The following TTBK2 variants were observed in gnomAD, a reference collection of about 807,000 sequenced individuals.
TTBK2 encodes the protein tau-tubulin kinase 2.
In TTBK2, 28 loss-of-function variants were observed where a neutral mutation model predicts 110.8. The observed-to-expected ratio is 0.25, with a 90% CI of 0.19 to 0.35. The LOEUF (loss-of-function observed/expected upper bound fraction) is 0.35. Ranked by LOEUF, TTBK2 falls within the 10% of genes least tolerant of loss-of-function variation. The pLI is 1.00. For synonymous variants in TTBK2, 532 were observed against 527.3 expected (o/e 1.01, Z -0.12); for missense variants, 1,369 against 1,500.3 (o/e 0.91, Z 1.45).
chr15:42,908,119 A>C (rs2030521809), intron 1 of TTBK2: 1 of 152,006 alleles, frequency 6.6e-6, no homozygotes, highest in South Asian at 2.1e-4. Context: ...AAGTTAATAG[A>C]ATTAGTTGAT....
At chr15:42,881,144 G>A (rs1339699972) in intron 1 of TTBK2, among the ~76,000 whole-genome samples, 3 of 151,650 alleles carry the variant, frequency 2.0e-5, no homozygotes, top group Admixed American at 6.6e-5. Flanking sequence ...TAGGCAAGGC[G>A]TGGTGGCAGG....
intron 3 of TTBK2, among the ~76,000 whole-genome samples, chr15:42,848,682 G>T (rs1407435108): frequency 6.6e-6 from 1 of 152,060 alleles, no homozygotes; most frequent in Non-Finnish European, 1.5e-5. Flanking sequence ...TAGAGACGGG[G>T]TTTCTCCATG....
intron 13 of TTBK2, among the ~76,000 whole-genome samples, chr15:42,754,944 G>A (rs961923526): frequency 1.2e-4 from 17 of 140,774 alleles, no homozygotes; most frequent in Middle Eastern, 3.7e-3. Flanking sequence ...AGAGGCAGAG[G>A]TTGTGGTGAG....
chr15:42,840,737 A>G (rs1595972136), intron 3 of TTBK2: 1 of 439,368 alleles, frequency 2.3e-6, no homozygotes, highest in Non-Finnish European at 4.2e-6. Context: ...ATTCAGATCA[A>G]CCTGCCCAGA....
At chr15:42,905,165 C>T (rs1459286399) in intron 1 of TTBK2, among the ~76,000 whole-genome samples, 1 of 152,056 alleles carries the variant, frequency 6.6e-6, no homozygotes, top group East Asian at 1.9e-4. Flanking sequence ...TGTGCCACCA[C>T]ACTTGGCCCC....
intron 6 of TTBK2, among the ~76,000 whole-genome samples, chr15:42,825,584 G>A (rs896728954): frequency 1.1e-4 from 17 of 152,026 alleles, no homozygotes; most frequent in Admixed American, 9.2e-4. Flanking sequence ...GTGTGGTGGC[G>A]GGCGCCTGTA....
intron 7 of TTBK2, among the ~76,000 whole-genome samples, chr15:42,813,871 T>G (rs1361778235): frequency 6.6e-6 from 1 of 150,874 alleles, no homozygotes; most frequent in East Asian, 1.9e-4. Flanking sequence ...AAAAAAAAAG[T>G]AACAACAATT....
chr15:42,800,875 T>C (rs1261217318), intron 9 of TTBK2: 4 of 613,526 alleles, frequency 6.5e-6, no homozygotes, highest in Non-Finnish European at 8.7e-6. Flanking sequence ...GAGCCTCGGG[T>C]GGGTCTCCCG....
At chr15:42,882,235 A>G (rs2141141778) in intron 1 of TTBK2, among the ~76,000 whole-genome samples, 1 of 152,198 alleles carries the variant, frequency 6.6e-6, no homozygotes, top group East Asian at 1.9e-4. Context: ...ACACACACAC[A>G]AAAACAACTC....
intron 9 of TTBK2, among the ~76,000 whole-genome samples, chr15:42,799,583 C>T (rs549381167): frequency 8.5e-5 from 13 of 152,126 alleles, no homozygotes; most frequent in Admixed American, 7.2e-4. Context: ...TAGACATGTG[C>T]CACCACGCCC....
rs1184322916 is a variant in TTBK2 at position 42,752,878 on chromosome 15, C to T, written c.2368G>A (p.Asp790Asn). The T allele has an allele frequency of 6.2e-7, 1 of 1,614,184 alleles. No individual in the cohort carries two copies. Among genetic ancestry groups the T allele is most frequent in the South Asian group, 1.1e-5 (1 of 91,090 alleles). Residue 790 changes from aspartate to asparagine, a missense_variant, in exon 14 of 15, where the codon GAT becomes AAT. Transcript: ENST00000267890. ...KSILLESDNE[D>N]EKLSRGQHCI... ...TGCTGCCCTCTACTTAACTTCTCAT[C>T]TTCATTATCTGACTCTAAAAGGATG...
At chr15:42,786,421 A>C (rs757185255) in intron 10 of TTBK2, among the ~76,000 whole-genome samples, 1 of 152,220 alleles carries the variant, frequency 6.6e-6, no homozygotes, top group Non-Finnish European at 1.5e-5. Flanking sequence ...TTCCTGAGGA[A>C]AGAGAAAGGG....
chr15:42,857,126 A>G (rs574577892), intron 3 of TTBK2, among the ~76,000 whole-genome samples: 40 of 152,288 alleles, frequency 2.6e-4, no homozygotes, highest in Middle Eastern at 3.4e-3. Context: ...ACAAGAATGC[A>G]AGATGTTAAT....
chr15:42,773,306 G>A (rs111707401), intron 13 of TTBK2, among the ~76,000 whole-genome samples: 2,517 of 152,136 alleles, frequency 0.017, 74 homozygotes, highest in African/African-American at 0.055. Context: ...GCTTGGTGGT[G>A]GGCACCTGTA....
At chr15:42,814,014 G>GT (rs1182852759) in intron 7 of TTBK2, among the ~76,000 whole-genome samples, 5 of 151,988 alleles carry the variant, frequency 3.3e-5, no homozygotes, top group African/African-American at 1.2e-4. Context: ...GAGTTCAAGT[G>GT]TTTTTTTGTT....
chr15:42,791,687 T>C (rs1302329425), intron 10 of TTBK2, among the ~76,000 whole-genome samples: 1 of 152,174 alleles, frequency 6.6e-6, no homozygotes, highest in East Asian at 1.9e-4. Flanking sequence ...TGGGCAGGGG[T>C]GGGTCAGTTC....
chr15:42,857,541 C>T (rs1893991319), intron 3 of TTBK2: 1 of 151,788 alleles, frequency 6.6e-6, no homozygotes, highest in African/African-American at 2.4e-5. Flanking sequence ...AAAAAAAAGT[C>T]CATTCATTAA....
At chr15:42,834,898 T>C (rs1216093322) in intron 4 of TTBK2, among the ~76,000 whole-genome samples, 2 of 152,082 alleles carry the variant, frequency 1.3e-5, no homozygotes, top group Non-Finnish European at 2.9e-5. Context: ...ACTGCAATAA[T>C]TGAAAGACAT....
chr15:42,855,377 G>C (rs1416609017), intron 3 of TTBK2, among the ~76,000 whole-genome samples: 1 of 152,148 alleles, frequency 6.6e-6, no homozygotes, highest in Non-Finnish European at 1.5e-5. Context: ...AGGAAACAGA[G>C]TTACTAGGAG....
Sources: allele counts gnomAD v4.1 joint callset (sites outside exome capture counted in the v4.1 genomes callset), GRCh38; gene constraint gnomAD v4.1.1; transcripts MANE v1.5; gene names NCBI Gene and HGNC (gene_info 2026-07-23, HGNC 2026-07-21).